Variants in DNAH11 observed in about 807,000 individuals in gnomAD.
DNAH11 encodes axonemal beta dynein heavy chain 11.
Under a neutral mutation model 526.0 loss-of-function variants are expected in DNAH11, and 442 were observed. The observed-to-expected ratio is 0.84, with a 90% CI of 0.78 to 0.91. DNAH11 has a LOEUF of 0.91. Among genes scored for constraint, DNAH11 ranks in the 40% least tolerant of loss-of-function variants. DNAH11 has a pLI of 0.00. For missense variants in DNAH11, 6,989 were observed against 5,448.7 expected (o/e 1.28, Z -8.90); for synonymous variants, 2,461 against 1,935.9 (o/e 1.27, Z -7.12).
At chr7:21,672,920 T>A (rs1782703858) in intron 30 of DNAH11, among the ~76,000 whole-genome samples, 1 of 152,202 alleles carries the variant, frequency 6.6e-6, no homozygotes, top group Admixed American at 6.5e-5. Flanking sequence ...TCCTACATGG[T>A]GAACCCACTG....
At position 21,591,312 on chromosome 7, in the gene DNAH11, C is replaced by T. The variant is rs370878968; in HGVS notation, c.2402C>T (p.Thr801Met). The change falls in exon 14 of 82, where the codon ACG becomes ATG. Residue 801 changes from threonine to methionine, a missense_variant. By Grantham distance (81) the Thr-to-Met change is moderately conservative (BLOSUM62 -1). Transcript: ENST00000409508. ...GACGAGCAGCTGACAGCAGCCACAA[C>T]GTGGCTGACATGGCAGGATGACTGC... ...AIDEQLTAAT[T>M]WLTWQDDCWG... is the part of the protein sequence containing the mutation. 149 of 1,613,672 alleles carry T rather than the reference C, an allele frequency of 9.2e-5. No individual in the cohort carries two copies. Among genetic ancestry groups the T allele is most frequent in the Non-Finnish European group, 1.2e-4 (136 of 1,179,794 alleles).
intron 22 of DNAH11, among the ~76,000 whole-genome samples, chr7:21,616,838 C>T (rs1167213331): frequency 6.6e-6 from 1 of 152,050 alleles, no homozygotes; most frequent in Non-Finnish European, 1.5e-5. Flanking sequence ...AGCCGTATGC[C>T]CTCTGAAGAC....
At chr7:21,633,490 G>A (rs1562716254) in intron 25 of DNAH11, among the ~76,000 whole-genome samples, 1 of 152,156 alleles carries the variant, frequency 6.6e-6, no homozygotes, top group Non-Finnish European at 1.5e-5. Context: ...TAGGTTCTCT[G>A]ATGTTGGGTT....
chr7:21,718,576 T>C (rs1160129973), intron 43 of DNAH11, among the ~76,000 whole-genome samples: 2 of 152,110 alleles, frequency 1.3e-5, no homozygotes, highest in East Asian at 1.9e-4. Context: ...AGAGTGAGGG[T>C]TACACATAAT....
Position 21,591,491 on chromosome 7 carries a change from T to C in DNAH11, c.2581T>C (p.Phe861Leu), listed in dbSNP as rs768568379. 1.9e-6 allele frequency: 3 copies of C among 1,612,766 alleles called. No individual in the cohort carries two copies. The highest frequency in any genetic ancestry group is 1.7e-4 in the Middle Eastern group (1 of 6,060). The stretch of plus-strand genomic sequence containing the variant: ...GAGAGAGCACAGACGAGAGGCAGCC[T>C]TCACCTTGGAGGACAAGGGTGATTT... The part of the protein sequence containing the change: ...PRREHRREAA[F>L]TLEDKGDLFT... Residue 861 changes from phenylalanine (F) to leucine (L), a missense_variant, in exon 14 of 82, where the codon TTC (phenylalanine) becomes CTC (leucine). By Grantham distance (22) the Phe-to-Leu change is conservative. Transcript: ENST00000409508.
chr7:21,891,533 C>T (rs1360753484), intron 76 of DNAH11, among the ~76,000 whole-genome samples: 1 of 152,148 alleles, frequency 6.6e-6, no homozygotes, highest in African/African-American at 2.4e-5. Context: ...TGGTCAGAGA[C>T]TCAGGCTCAT....
At chr7:21,667,187 C>T (rs1782454951) in intron 30 of DNAH11, among the ~76,000 whole-genome samples, 1 of 151,966 alleles carries the variant, frequency 6.6e-6, no homozygotes, top group Non-Finnish European at 1.5e-5. Flanking sequence ...CCTGTATATC[C>T]CAAGAGGCTA....
intron 56 of DNAH11, among the ~76,000 whole-genome samples, chr7:21,776,874 A>T (rs1388684356): frequency 3.9e-5 from 6 of 152,102 alleles, no homozygotes; most frequent in Admixed American, 2.6e-4. Flanking sequence ...CAATGCCAAA[A>T]CCAGGAAAGT....
At chr7:21,660,653 A>T (rs1197538325) in intron 30 of DNAH11, among the ~76,000 whole-genome samples, 1 of 137,142 alleles carries the variant, frequency 7.3e-6, no homozygotes, top group Non-Finnish European at 1.6e-5. Context: ...GCATGCAAAC[A>T]TCAAAAGTTT....
intron 9 of DNAH11, among the ~76,000 whole-genome samples, chr7:21,587,551 G>A (rs1373979684): frequency 6.6e-6 from 1 of 152,122 alleles, no homozygotes; most frequent in Non-Finnish European, 1.5e-5. Flanking sequence ...GTAGCCCCAG[G>A]ACACTGTTGG....
At chr7:21,869,772 A>G (rs1307922562) in intron 73 of DNAH11, among the ~76,000 whole-genome samples, 1 of 152,206 alleles carries the variant, frequency 6.6e-6, no homozygotes, top group Non-Finnish European at 1.5e-5. Context: ...CTTTGATTGT[A>G]AATTATAGGG....
intron 28 of DNAH11, among the ~76,000 whole-genome samples, chr7:21,654,039 A>G (rs1013783020): frequency 2.6e-5 from 4 of 151,962 alleles, no homozygotes; most frequent in African/African-American, 9.7e-5. Flanking sequence ...AATGTTTTGT[A>G]TTGCTTCACC....
chr7:21,880,807 G>A lies in DNAH11; in HGVS notation c.12301G>A (p.Gly4101Ser). ...TGGGAGACTGAGGTTTGGCCCCCAGGGCTGGAGCCGAAGCTATCCTTTTAA... is the reference window on the plus strand; with the variant it reads ...TGGGAGACTGAGGTTTGGCCCCCAGAGCTGGAGCCGAAGCTATCCTTTTAA... ...VAGRLRFGPQ[G>S]WSRSYPFNPG... The change falls in exon 75 of 82, where the codon GGC (glycine) becomes AGC (serine). Residue 4101 changes from glycine (G) to serine (S), a missense_variant. Coordinates refer to ENST00000409508, the MANE Select transcript of DNAH11 (RefSeq NM_001277115.2). 1 of 1,613,956 alleles carries A rather than the reference G, an allele frequency of 6.2e-7. No individual in the cohort carries two copies. Among genetic ancestry groups the A allele is most frequent in the Non-Finnish European group, 8.5e-7 (1 of 1,179,890 alleles).
chr7:21,857,318 A>G (rs1338570919), intron 68 of DNAH11, among the ~76,000 whole-genome samples: 1 of 152,174 alleles, frequency 6.6e-6, no homozygotes, highest in Admixed American at 6.5e-5. Context: ...AAAATTAAAG[A>G]AGTCCTAACT....
Position 21,873,257 on chromosome 7 carries a change from A to T in DNAH11, c.11968-17A>T. On this transcript the variant is annotated splice_polypyrimidine_tract_variant and intron_variant, in intron 73 of 81. Coordinates refer to ENST00000409508, the MANE Select transcript of DNAH11 (RefSeq NM_001277115.2). ...TGCCTCACCTTCACAGGAATTATGCACCATGCTATCTTTCAGAATGTTCAT... is the reference window on the plus strand; with the variant it reads ...TGCCTCACCTTCACAGGAATTATGCTCCATGCTATCTTTCAGAATGTTCAT... The T allele has an allele frequency of 2.6e-6, 4 of 1,552,674 alleles. No individual in the cohort carries two copies. The highest frequency in any genetic ancestry group is 3.5e-6 in the Non-Finnish European group (4 of 1,142,358).
At chr7:21,677,335 A>AT (rs2128471142) in intron 30 of DNAH11, among the ~76,000 whole-genome samples, 1 of 151,450 alleles carries the variant, frequency 6.6e-6, no homozygotes, top group East Asian at 2.0e-4. Context: ...TTCTTGGAAT[A>AT]TTTAATTTTT....
intron 41 of DNAH11, 140 bp from the exon 42 acceptor site, chr7:21,711,572 A>G (rs749255395): frequency 2.4e-5 from 29 of 1,212,332 alleles, no homozygotes; most frequent in Non-Finnish European, 3.2e-5. Context: ...GTGAGCTTAG[A>G]TCTTTATTCA....
chr7:21,848,712 T>C (rs2128021205), intron 66 of DNAH11, among the ~76,000 whole-genome samples: 1 of 152,200 alleles, frequency 6.6e-6, no homozygotes, highest in South Asian at 2.1e-4. Flanking sequence ...TTCTTTTCCT[T>C]CTCTTCTGCC....
At chr7:21,828,871 G>A (rs1790424946) in intron 65 of DNAH11, among the ~76,000 whole-genome samples, 1 of 151,654 alleles carries the variant, frequency 6.6e-6, no homozygotes, top group Non-Finnish European at 1.5e-5. Flanking sequence ...TCTTAGAAGG[G>A]CGTGTTGGTT....
Sources: allele counts gnomAD v4.1 joint callset (sites outside exome capture counted in the v4.1 genomes callset), GRCh38; gene constraint gnomAD v4.1.1; transcripts MANE v1.5; gene names NCBI Gene and HGNC (gene_info 2026-07-23, HGNC 2026-07-21).